The following KLHL8 variants were observed in gnomAD, a reference collection of about 807,000 sequenced individuals.
KLHL8 encodes kelch like family member 8.
KLHL8 carries 38 observed loss-of-function variants against 63.5 expected under a neutral mutation model. That is an observed-to-expected ratio of 0.60 (90% CI 0.46 to 0.78). KLHL8 has a LOEUF of 0.78. Ranked by LOEUF, KLHL8 falls within the 30% of genes least tolerant of loss-of-function variation. The pLI is 0.00. For synonymous variants in KLHL8, 224 were observed against 254.3 expected (o/e 0.88, Z 1.13); for missense variants, 566 against 752.4 (o/e 0.75, Z 2.90).
chr4:87,211,379 C>T (rs1298637637), intron 1 of KLHL8, among the ~76,000 whole-genome samples: 1 of 152,144 alleles, frequency 6.6e-6, no homozygotes, highest in African/African-American at 2.4e-5. Context: ...ATCAAACAGT[C>T]CAAAATATAC....
intron 6 of KLHL8, among the ~76,000 whole-genome samples, chr4:87,172,577 T>C (rs1730676082): frequency 6.6e-6 from 1 of 152,246 alleles, no homozygotes; most frequent in Non-Finnish European, 1.5e-5. Flanking sequence ...TCAGAAATCA[T>C]ACCATTATCC....
intron 1 of KLHL8, among the ~76,000 whole-genome samples, chr4:87,232,946 G>A (rs1428442711): frequency 6.6e-6 from 1 of 151,468 alleles, no homozygotes; most frequent in Non-Finnish European, 1.5e-5. Context: ...GTAATCTTCT[G>A]TACATTATGT....
intron 1 of KLHL8, among the ~76,000 whole-genome samples, chr4:87,206,349 G>T (rs1443361399): frequency 6.6e-6 from 1 of 152,172 alleles, no homozygotes; most frequent in Non-Finnish European, 1.5e-5. Flanking sequence ...ACTGCTTAAT[G>T]TATGTAGCTC....
intron 1 of KLHL8, among the ~76,000 whole-genome samples, chr4:87,205,412 AACAC>A (rs76100807): frequency 0.39 from 58,940 of 150,942 alleles, 11,837 homozygotes; most frequent in African/African-American, 0.5. Flanking sequence ...GACTCAAGAA[AACAC>A]ACACACACAC....
At chr4:87,189,871 T>C (rs886396675) in intron 2 of KLHL8, among the ~76,000 whole-genome samples, 2 of 147,270 alleles carry the variant, frequency 1.4e-5, no homozygotes, top group African/African-American at 2.5e-5. Flanking sequence ...ATACTGAAAA[T>C]ACAAAAAAAA....
chr4:87,184,544 T>C (rs1340582676), intron 3 of KLHL8, among the ~76,000 whole-genome samples: 2 of 151,772 alleles, frequency 1.3e-5, no homozygotes, highest in Non-Finnish European at 2.9e-5. Flanking sequence ...TTAGAAAAAA[T>C]AAGTAAATAA....
intron 2 of KLHL8, among the ~76,000 whole-genome samples, chr4:87,194,306 G>A (rs1731612659): frequency 6.6e-6 from 1 of 152,172 alleles, no homozygotes; most frequent in Admixed American, 6.5e-5. Context: ...GAAACAGAGA[G>A]GGCAGCCCTC....
intron 2 of KLHL8, among the ~76,000 whole-genome samples, chr4:87,194,866 G>A (rs527362553): frequency 6.6e-6 from 1 of 152,294 alleles, no homozygotes; most frequent in African/African-American, 2.4e-5. Context: ...TAACAATGAA[G>A]TAGAGATTAA....
intron 1 of KLHL8, among the ~76,000 whole-genome samples, chr4:87,200,746 T>A (rs980956492): frequency 1.3e-5 from 2 of 152,156 alleles, no homozygotes; most frequent in Non-Finnish European, 1.5e-5. Flanking sequence ...CTCAAAAAGT[T>A]AGAAATAGAA....
intron 1 of KLHL8, among the ~76,000 whole-genome samples, chr4:87,238,764 G>T (rs1315609352): frequency 6.6e-6 from 1 of 152,126 alleles, no homozygotes; most frequent in Non-Finnish European, 1.5e-5. Context: ...ATATTATTTT[G>T]ATCTGGAAAT....
At chr4:87,195,741 ATTG>A (rs1489001981) in intron 1 of KLHL8, 51 bp from the exon 2 acceptor site, 10 of 478,016 alleles carry the variant, frequency 2.1e-5, no homozygotes, top group South Asian at 8.2e-5. Context: ...GAAAAAAATT[ATTG>A]TTAACTATAA....
At chr4:87,179,793 A>G (rs1730981747) in intron 4 of KLHL8, among the ~76,000 whole-genome samples, 1 of 152,086 alleles carries the variant, frequency 6.6e-6, no homozygotes, top group Admixed American at 6.6e-5. Context: ...TAAATAAGAC[A>G]AAAAATGCTT....
chr4:87,202,952 C>A (rs368190545), intron 1 of KLHL8, among the ~76,000 whole-genome samples: 1 of 152,064 alleles, frequency 6.6e-6, no homozygotes, highest in Non-Finnish European at 1.5e-5. Flanking sequence ...AGAGAATGAT[C>A]ACGACCAAGT....
Position 87,214,415 on chromosome 4 carries a change from G to GATATATATATATATATAT in KLHL8, c.-152+5985_-152+6002dup, listed in dbSNP as rs58112792. On this transcript the variant is annotated intron_variant, in intron 1 of 9. Transcript: ENST00000273963. ...TGAGTTAACAAACTGGCACATAACA[G>GATATATATATATATATAT]ATATATATATATATATATATATATA... Among the ~76,000 whole-genome samples the GATATATATATATATATAT allele has an allele frequency of 1.7e-4, 16 of 93,100 alleles. 1 individual carries two copies. Among genetic ancestry groups the GATATATATATATATATAT allele is most frequent in the South Asian group, 3.8e-4 (1 of 2,644 alleles). 61.1% of individuals were successfully genotyped at this position (93,100 alleles called of 152,430 possible).
intron 1 of KLHL8, among the ~76,000 whole-genome samples, chr4:87,231,391 A>G (rs1446493466): frequency 1.3e-5 from 2 of 152,166 alleles, no homozygotes; most frequent in African/African-American, 4.8e-5. Flanking sequence ...CTTCTGGGGT[A>G]ACCCAACCTA....
intron 1 of KLHL8, among the ~76,000 whole-genome samples, chr4:87,213,696 C>T (rs1261293281): frequency 6.6e-6 from 1 of 152,176 alleles, no homozygotes; most frequent in Non-Finnish European, 1.5e-5. Context: ...ACTTTGTTTA[C>T]AAAAACAGGC....
intron 2 of KLHL8, among the ~76,000 whole-genome samples, chr4:87,191,901 T>C (rs36123985): frequency 1.3e-5 from 2 of 152,082 alleles, no homozygotes; most frequent in African/African-American, 2.4e-5. Flanking sequence ...CTTAGGATAA[T>C]GGTTTCCAGC....
intron 1 of KLHL8, among the ~76,000 whole-genome samples, chr4:87,204,743 T>C (rs1732049754): frequency 6.6e-6 from 1 of 152,226 alleles, no homozygotes; most frequent in South Asian, 2.1e-4. Flanking sequence ...TCCATTTATA[T>C]GATATCCTCA....
intron 2 of KLHL8, among the ~76,000 whole-genome samples, chr4:87,194,269 G>A (rs1731605517): frequency 6.6e-6 from 1 of 152,156 alleles, no homozygotes; most frequent in African/African-American, 2.4e-5. Context: ...ATCCCCTCTG[G>A]AGGATGCTGT....
Sources: allele counts gnomAD v4.1 joint callset (sites outside exome capture counted in the v4.1 genomes callset), GRCh38; gene constraint gnomAD v4.1.1; transcripts MANE v1.5; gene names NCBI Gene and HGNC (gene_info 2026-07-23, HGNC 2026-07-21).